ZNF804B: variants seen among roughly 807,000 people sequenced by gnomAD.
ZNF804B encodes zinc finger protein 804B, also known as zinc finger 804B.
Under a neutral mutation model 101.4 loss-of-function variants are expected in ZNF804B, and 80 were observed. The observed-to-expected ratio is 0.79, with a 90% CI of 0.66 to 0.95. ZNF804B has a LOEUF of 0.95. Among genes scored for constraint, ZNF804B ranks in the 40% least tolerant of loss-of-function variants. The probability of loss-of-function intolerance (pLI) is 0.00; values close to 1 mark genes in which losing one functional copy is unlikely to be tolerated. For synonymous variants in ZNF804B, 622 were observed against 558.8 expected, an observed-to-expected ratio of 1.11 and a Z score of -1.59; for missense variants, 1,673 against 1,561.9, an observed-to-expected ratio of 1.07 and a Z score of -1.20.
rs1407002071 is a variant in ZNF804B, at chr7:88,812,022, C to T, written c.108+51938C>T. Among the ~76,000 whole-genome samples the T allele has an allele frequency of 2.6e-5, 4 of 152,192 alleles. No individual in the cohort carries two copies. The East Asian group carries it at 5.8e-4, about 22-fold the overall frequency. Reference sequence around the variant, plus strand: ...TCATATACCATGTAATATCTTTTGTCGATAAATTCTCATATACACTGGAAA... The same window carrying T: ...TCATATACCATGTAATATCTTTTGTTGATAAATTCTCATATACACTGGAAA... On this transcript the variant is annotated intron_variant, in intron 1 of 3. Transcript: ENST00000333190.
At chr7:88,931,461 G>A (rs1322554769) in intron 1 of ZNF804B, among the ~76,000 whole-genome samples, 2 of 151,808 alleles carry the variant, frequency 1.3e-5, no homozygotes, top group South Asian at 2.1e-4. Context: ...GGAATGCAAA[G>A]GAAGGCTGCA....
At chr7:89,207,499 C>A (rs1250409040) in intron 1 of ZNF804B, among the ~76,000 whole-genome samples, 1 of 152,196 alleles carries the variant, frequency 6.6e-6, no homozygotes, top group Non-Finnish European at 1.5e-5. Flanking sequence ...CCCACTGAGT[C>A]CCTCCCATGA....
intron 1 of ZNF804B, among the ~76,000 whole-genome samples, chr7:88,869,892 G>A (rs1430633255): frequency 3.3e-5 from 5 of 152,166 alleles, no homozygotes; most frequent in Non-Finnish European, 7.4e-5. Context: ...CCTTGCATTT[G>A]GAAGATGTAT....
chr7:89,182,163 A>AT (rs1788306757), intron 1 of ZNF804B, among the ~76,000 whole-genome samples: 1 of 152,146 alleles, frequency 6.6e-6, no homozygotes, highest in Non-Finnish European at 1.5e-5. Context: ...TAAATCACTA[A>AT]TTTTTATTCA....
At chr7:88,919,852 A>T (rs1792693861) in intron 1 of ZNF804B, among the ~76,000 whole-genome samples, 1 of 152,130 alleles carries the variant, frequency 6.6e-6, no homozygotes, top group Non-Finnish European at 1.5e-5. Context: ...ATCATTACAC[A>T]GTTCAGTAGA....
At chr7:89,174,066 A>G (rs935079461) in intron 1 of ZNF804B, among the ~76,000 whole-genome samples, 1 of 152,146 alleles carries the variant, frequency 6.6e-6, no homozygotes, top group African/African-American at 2.4e-5. Context: ...TCAAGCATTT[A>G]TCATTTCTTT....
At chr7:89,010,533 A>G (rs965324040) in intron 1 of ZNF804B, among the ~76,000 whole-genome samples, 14 of 152,178 alleles carry the variant, frequency 9.2e-5, no homozygotes, top group Non-Finnish European at 1.8e-4. Context: ...GAAACTTGAG[A>G]AGCTTCCATA....
At chr7:88,883,410 A>G (rs1335403981) in intron 1 of ZNF804B, among the ~76,000 whole-genome samples, 2 of 152,138 alleles carry the variant, frequency 1.3e-5, no homozygotes, top group African/African-American at 2.4e-5. Flanking sequence ...ATTGTTACAT[A>G]AGGCATGGCC....
At chr7:89,091,162 A>G (rs1031248669) in intron 1 of ZNF804B, among the ~76,000 whole-genome samples, 1 of 152,142 alleles carries the variant, frequency 6.6e-6, no homozygotes, top group Admixed American at 6.5e-5. Flanking sequence ...AAACCACAGC[A>G]TATCTAAAAA....
chr7:89,193,596 A>G (rs1291098426), intron 1 of ZNF804B, among the ~76,000 whole-genome samples: 1 of 151,638 alleles, frequency 6.6e-6, no homozygotes, highest in Non-Finnish European at 1.5e-5. Context: ...GTTTGCTGAG[A>G]ATGATGGTTT....
chr7:89,101,936 C>A (rs1191791356), intron 1 of ZNF804B, among the ~76,000 whole-genome samples: 1 of 151,898 alleles, frequency 6.6e-6, no homozygotes, highest in Non-Finnish European at 1.5e-5. Context: ...TGTTTAGCTC[C>A]CACTTATAAG....
Position 88,761,235 on chromosome 7 carries a change from T to A in ZNF804B, c.108+1151T>A, listed in dbSNP as rs913683827. On this transcript the variant is annotated intron_variant, in intron 1 of 3. Coordinates refer to ENST00000333190, the MANE Select transcript of ZNF804B (RefSeq NM_181646.5). ...CAGGTGCCCAGAGATATCACTAGGA[T>A]TCCTCATGACAAACTATTCCTTCAC... Among the ~76,000 whole-genome samples the A allele has an allele frequency of 2.6e-5, 4 of 152,148 alleles. No individual in the cohort carries two copies. The East Asian group carries it at 5.8e-4, about 22-fold the overall frequency.
intron 2 of ZNF804B, among the ~76,000 whole-genome samples, chr7:89,284,301 T>TA (rs1360242550): frequency 6.6e-6 from 1 of 152,208 alleles, no homozygotes; most frequent in African/African-American, 2.4e-5. Flanking sequence ...CCTATTGCAG[T>TA]AAAAAACGAT....
chr7:88,831,602 G>T (rs1791135460), intron 1 of ZNF804B, among the ~76,000 whole-genome samples: 1 of 151,538 alleles, frequency 6.6e-6, no homozygotes, highest in Non-Finnish European at 1.5e-5. Context: ...TTTTCAATTT[G>T]AACTCCCTTT....
At chr7:88,894,322 T>C (rs1040537605) in intron 1 of ZNF804B, among the ~76,000 whole-genome samples, 2 of 152,048 alleles carry the variant, frequency 1.3e-5, no homozygotes, top group Non-Finnish European at 2.9e-5. Context: ...GAAGTGATTT[T>C]CCTGCCTCAG....
rs1388128067 is a variant in ZNF804B, at chr7:88,759,965, G to A, written c.-12G>A. On this transcript the variant is annotated 5_prime_UTR_variant, in exon 1 of 4. Coordinates refer to ENST00000333190, the MANE Select transcript of ZNF804B (RefSeq NM_181646.5). ...TGAGGAGTTGAGACTCTGCGCCTCCGCCCGGACCCACATGGCTTGTTACCT... is the reference window on the plus strand; with the variant it reads ...TGAGGAGTTGAGACTCTGCGCCTCCACCCGGACCCACATGGCTTGTTACCT... The A allele has an allele frequency of 1.2e-6, 2 of 1,613,362 alleles. No individual in the cohort carries two copies. Among genetic ancestry groups the A allele is most frequent in the African/African-American group, 1.3e-5 (1 of 75,028 alleles).
At chr7:89,226,171 G>T (rs1343109791) in intron 2 of ZNF804B, among the ~76,000 whole-genome samples, 4 of 152,006 alleles carry the variant, frequency 2.6e-5, no homozygotes, top group Non-Finnish European at 5.9e-5. Flanking sequence ...GCTTATGAGA[G>T]TATAAATTGT....
intron 2 of ZNF804B, among the ~76,000 whole-genome samples, chr7:89,267,957 T>A (rs1789825827): frequency 6.6e-6 from 1 of 152,068 alleles, no homozygotes; most frequent in South Asian, 2.1e-4. Flanking sequence ...TTCACTGTCT[T>A]CAATATATTA....
chr7:88,759,721 T>G lies in ZNF804B; in HGVS notation c.-256T>G. ...GAGCAGCCACCTCGTCAGAGCAGCA[T>G]GTGGACTGGCTCGCCGGGTCCCCTC... is the stretch of plus-strand genomic sequence containing the variant. On this transcript the variant is annotated 5_prime_UTR_variant, in exon 1 of 4. An upstream start codon of the reference 5' UTR is lost. Transcript: ENST00000333190. The G allele has an allele frequency of 1.9e-6, 1 of 517,618 alleles. No individual in the cohort carries two copies. Among genetic ancestry groups the G allele is most frequent in the Non-Finnish European group, 3.5e-6 (1 of 286,332 alleles). The allele number at this position is 517,618 out of a possible 1,614,324, so 32.1% of individuals were successfully genotyped here. A position where few individuals can be genotyped will look rare whatever the true frequency, so the allele number is the denominator to read the frequency against.
Sources: gnomAD v4.1 joint callset for allele counts (sites outside exome capture counted in the v4.1 genomes callset) on GRCh38, gnomAD v4.1.1 for gene constraint, MANE v1.5 for transcripts, NCBI Gene and HGNC (gene_info 2026-07-23, HGNC 2026-07-21) for gene names.